Variants in PCDHGA5 observed in about 807,000 individuals in gnomAD.
PCDHGA5 encodes the protein protocadherin gamma subfamily A, 5.
PCDHGA5 carries 36 observed loss-of-function variants against 56.7 expected under a neutral mutation model. The observed-to-expected ratio is 0.64, with a 90% CI of 0.49 to 0.84. The LOEUF (loss-of-function observed/expected upper bound fraction) is 0.84. Ranked by LOEUF, PCDHGA5 falls within the 40% of genes least tolerant of loss-of-function variation. PCDHGA5 has a pLI of 0.00. For synonymous variants in PCDHGA5, 563 were observed against 520.2 expected (o/e 1.08, Z -1.12); for missense variants, 1,305 against 1,201.5 (o/e 1.09, Z -1.27).
At chr5:141,375,385 A>G in intron 1 of PCDHGA5, 3 of 1,614,012 alleles carry the variant, frequency 1.9e-6, no homozygotes, top group East Asian at 4.5e-5. Flanking sequence ...CTCTGTCTAC[A>G]GAAACAATCA....
At position 141,496,266 on chromosome 5, in the gene PCDHGA5, AAGACCTTC is replaced by A. The variant is rs2099767586; in HGVS notation, c.2480+1404_2480+1411del. Among the ~76,000 whole-genome samples the A allele has an allele frequency of 2.0e-5, 3 of 152,152 alleles. No homozygotes were observed. The South Asian group carries it at 6.2e-4, about 32-fold the overall frequency. Reference sequence around the variant, plus strand: ...TGAAGGGGAGGGAAACTTCAGCAGAAAGACCTTCAGTTGGTCTGAGCAGAGTGGGATAG... The same window carrying A: ...TGAAGGGGAGGGAAACTTCAGCAGAAAGTTGGTCTGAGCAGAGTGGGATAG... On this transcript the variant is annotated intron_variant, in intron 2 of 3. Coordinates refer to ENST00000518069, the MANE Select transcript of PCDHGA5 (RefSeq NM_018918.3).
intron 1 of PCDHGA5, among the ~76,000 whole-genome samples, chr5:141,462,493 A>G (rs1432919197): frequency 2.0e-5 from 3 of 152,144 alleles, no homozygotes; most frequent in South Asian, 4.1e-4. Context: ...GTTGTATCCT[A>G]TAATTGTCAA....
chr5:141,461,167 C>T (rs917796588), intron 1 of PCDHGA5, among the ~76,000 whole-genome samples: 2 of 151,968 alleles, frequency 1.3e-5, no homozygotes, highest in Non-Finnish European at 2.9e-5. Context: ...AGTGGGATTG[C>T]TGGATTGAAT....
chr5:141,415,375 G>A (rs1453832867), intron 1 of PCDHGA5: 12 of 1,614,258 alleles, frequency 7.4e-6, no homozygotes, highest in South Asian at 1.1e-5. Context: ...GGCTTCAGGA[G>A]GCGGCTTGAC....
Position 141,365,408 on chromosome 5 carries a change from T to C in PCDHGA5, c.1078T>C (p.Cys360Arg). ...TCTGACCAGTTCGATCTCTGAAGACTGTCTTCCCGGAACTGTAATCGCGCT... is the reference window on the plus strand; with the variant it reads ...TCTGACCAGTTCGATCTCTGAAGACCGTCTTCCCGGAACTGTAATCGCGCT... ...TSLTSSISEDCLPGTVIALFS... is the reference protein window; with the variant it reads ...TSLTSSISEDRLPGTVIALFS... The change falls in exon 1 of 4, where the codon TGT becomes CGT. Residue 360 changes from cysteine (C) to arginine (R), a missense_variant. Transcript: ENST00000518069. The C allele has an allele frequency of 6.2e-7, 1 of 1,614,004 alleles. No homozygotes were observed. The highest frequency in any genetic ancestry group is 8.5e-7 in the Non-Finnish European group (1 of 1,179,892).
intron 1 of PCDHGA5, chr5:141,370,539 A>G: frequency 6.2e-7 from 1 of 1,613,826 alleles, no homozygotes; most frequent in Admixed American, 1.7e-5. Context: ...GCTGGTAGGG[A>G]ACCTCGCCAA....
intron 1 of PCDHGA5, chr5:141,419,588 A>C: frequency 6.2e-7 from 1 of 1,611,830 alleles, no homozygotes; most frequent in Non-Finnish European, 8.5e-7. Flanking sequence ...GCTCTTCGAC[A>C]CAGTGCCGCG....
chr5:141,452,459 C>T (rs545368648), intron 1 of PCDHGA5, among the ~76,000 whole-genome samples: 38 of 152,246 alleles, frequency 2.5e-4, no homozygotes, highest in Middle Eastern at 6.8e-3. Context: ...TGTCAGCAGA[C>T]GGAGCTAGGA....
intron 1 of PCDHGA5, chr5:141,391,745 C>T (rs1371260062): frequency 6.6e-6 from 1 of 152,116 alleles, no homozygotes; most frequent in African/African-American, 2.4e-5. Flanking sequence ...CATACTTATC[C>T]TTTGGCTTCT....
At chr5:141,401,856 T>C (rs778189763) in intron 1 of PCDHGA5, among the ~76,000 whole-genome samples, 2 of 152,228 alleles carry the variant, frequency 1.3e-5, no homozygotes, top group Non-Finnish European at 2.9e-5. Context: ...ACTTTTAACC[T>C]TTCAGTAGTT....
In PCDHGA5 at chr5:141,403,896, A is replaced by T. The variant is rs2094466164; in HGVS notation, c.2421+37145A>T. 6.2e-7 allele frequency: 1 copy of T among 1,613,866 alleles called. No individual in the cohort carries two copies. On this transcript the variant is annotated intron_variant, in intron 1 of 3. Transcript: ENST00000518069. The stretch of plus-strand genomic sequence containing the variant: ...CTAGATTATGAAGAATGTTCATTTT[A>T]TGAAATGGAAATACAAGCTGAAGAT...
Position 141,485,152 on chromosome 5 carries a change from A to C in PCDHGA5, c.2422-9655A>C. ...CTTCATCCGCGTCTCAGGAGCAAGT[A>C]GAGAATTAGCGGGCGGCAGCAATGC... On this transcript the variant is annotated intron_variant, in intron 1 of 3. Coordinates refer to ENST00000518069, the MANE Select transcript of PCDHGA5 (RefSeq NM_018918.3). The surrounding 1 kb of genome is among the most constrained non-coding windows in gnomAD (Gnocchi z 5.7). 8.8e-6 allele frequency: 14 copies of C among 1,586,038 alleles called. No individual in the cohort carries two copies. The highest frequency in any genetic ancestry group is 1.0e-5 in the Non-Finnish European group (12 of 1,157,128).
Position 141,491,482 on chromosome 5 carries a change from A to G in PCDHGA5, c.2422-3325A>G. On this transcript the variant is annotated intron_variant, in intron 1 of 3. Coordinates refer to ENST00000518069, the MANE Select transcript of PCDHGA5 (RefSeq NM_018918.3). The surrounding 1 kb of genome is among the most constrained non-coding windows in gnomAD (Gnocchi z 6.9). Reference sequence around the variant, plus strand: ...GGACTTCTATAAGCAGTCCAGCCCCAACCTGCAGGTGAGCTCGGACGGCAC... The same window carrying G: ...GGACTTCTATAAGCAGTCCAGCCCCGACCTGCAGGTGAGCTCGGACGGCAC... 1 of 1,614,088 alleles carries G rather than the reference A, an allele frequency of 6.2e-7. No individual in the cohort carries two copies. The highest frequency in any genetic ancestry group is 8.5e-7 in the Non-Finnish European group (1 of 1,180,006).
chr5:141,381,826 C>CTTTTTTTTTTT (rs770630741), intron 1 of PCDHGA5, among the ~76,000 whole-genome samples: 13 of 74,276 alleles, frequency 1.8e-4, no homozygotes, highest in South Asian at 5.1e-4. Flanking sequence ...CTTTCTTCTT[C>CTTTTTTTTTTT]TTTTTTTTTT....
chr5:141,364,599 T>C lies in PCDHGA5; in HGVS notation c.269T>C (p.Ile90Thr). 4 of 1,614,178 alleles carry C rather than the reference T, an allele frequency of 2.5e-6. No homozygotes were observed. The highest frequency in any genetic ancestry group is 1.1e-5 in the South Asian group (1 of 91,090). Residue 90 changes from isoleucine to threonine, a missense_variant, in exon 1 of 4, where the codon ATA (isoleucine) becomes ACA (threonine). By Grantham distance (89) the Ile-to-Thr change is moderately conservative. Coordinates refer to ENST00000518069, the MANE Select transcript of PCDHGA5 (RefSeq NM_018918.3). ...RSGSLVTAGR[I>T]DREELCAQSP... ...GGCAGCTTGGTCACCGCGGGCAGGA[T>C]AGACCGGGAGGAGCTCTGCGCTCAG...
At position 141,477,056 on chromosome 5, in the gene PCDHGA5, G is replaced by T; in HGVS notation, c.2422-17751G>T. 6.2e-7 allele frequency: 1 copy of T among 1,614,242 alleles called. No homozygotes were observed. The highest frequency in any genetic ancestry group is 8.5e-7 in the Non-Finnish European group (1 of 1,180,046). Reference sequence around the variant, plus strand: ...AATCAAGGGTCGGCTGGACTTCGAGGACACCAAACTCCATGAGATTTACAT... The same window carrying T: ...AATCAAGGGTCGGCTGGACTTCGAGTACACCAAACTCCATGAGATTTACAT... On this transcript the variant is annotated intron_variant, in intron 1 of 3. Coordinates refer to ENST00000518069, the MANE Select transcript of PCDHGA5 (RefSeq NM_018918.3). This position sits in a 1 kb window ranked among gnomAD's most constrained non-coding sequence, Gnocchi z 4.9.
In PCDHGA5 at chr5:141,374,652, A is replaced by C. The variant is rs947408708; in HGVS notation, c.2421+7901A>C. Reference sequence around the variant, plus strand: ...GTGCAAAGCGAAGCCCATGGGCCCAAGTACCCGGAGCTGGTGCTGGAGGGC... The same window carrying C: ...GTGCAAAGCGAAGCCCATGGGCCCACGTACCCGGAGCTGGTGCTGGAGGGC... On this transcript the variant is annotated intron_variant, in intron 1 of 3. Coordinates refer to ENST00000518069, the MANE Select transcript of PCDHGA5 (RefSeq NM_018918.3). 1.2e-6 allele frequency: 2 copies of C among 1,612,302 alleles called. No homozygotes were observed.
In PCDHGA5 at chr5:141,494,863, C is replaced by A. The variant is rs538734954; in HGVS notation, c.2478C>A (p.Ser826Arg). 17 of 1,614,118 alleles carry A rather than the reference C, an allele frequency of 1.1e-5. No individual in the cohort carries two copies. Among genetic ancestry groups the A allele is most frequent in the Non-Finnish European group, 1.4e-5 (17 of 1,179,994 alleles). Residue 826 changes from serine to arginine, a missense_variant and splice_region_variant, in exon 2 of 4, where the codon AGC becomes AGA. By Grantham distance (110) the Ser-to-Arg change is moderately radical. Transcript: ENST00000518069. ...RFSQAQRPGT[S>R]GSQNGDDTGT... ...CTCAGGCCCAGAGACCCGGCACCAG[C>A]GGGTAGGTGACTGATTCTCCAGCCC...
chr5:141,421,680 G>A (rs2096591907), intron 1 of PCDHGA5: 5 of 1,613,758 alleles, frequency 3.1e-6, no homozygotes, highest in Non-Finnish European at 4.2e-6. Context: ...TTCCTGGGGC[G>A]CGATTTGCTC....
Sources: gnomAD v4.1 joint callset for allele counts (sites outside exome capture counted in the v4.1 genomes callset) on GRCh38, gnomAD v4.1.1 for gene constraint, Gnocchi (gnomAD v3.1) non-coding constraint, MANE v1.5 for transcripts, NCBI Gene and HGNC (gene_info 2026-07-23, HGNC 2026-07-21) for gene names.